POR: variants seen among roughly 807,000 people sequenced by gnomAD.
POR encodes cytochrome p450 oxidoreductase, also known as NADPH--cytochrome P450 reductase.
In POR, 56 loss-of-function variants were observed where a neutral mutation model predicts 84.0. The ratio of observed to expected loss-of-function variants is 0.67; its 90% CI spans 0.54 to 0.83. POR has a LOEUF of 0.83. Among genes scored for constraint, POR ranks in the 40% least tolerant of loss-of-function variants. The probability of loss-of-function intolerance (pLI) is 0.00; values close to 1 mark genes in which losing one functional copy is unlikely to be tolerated. For synonymous variants in POR, 414 were observed against 400.5 expected (o/e 1.03, Z -0.40); for missense variants, 938 against 944.3 (o/e 0.99, Z 0.09).
At chr7:75,980,516 T>TC in intron 5 of POR, 28 bp downstream of exon 5, 2 of 1,612,426 alleles carry the variant, frequency 1.2e-6, no homozygotes, top group Non-Finnish European at 1.7e-6. Flanking sequence ...TGCTATGGGC[T>TC]CCCGGTGGCC....
chr7:75,986,040 T>G lies in POR; in HGVS notation c.1787T>G (p.Val596Gly). The G allele has an allele frequency of 6.4e-7, 1 of 1,560,766 alleles. No homozygotes were observed. The highest frequency in any genetic ancestry group is 1.4e-5 in the African/African-American group (1 of 73,706). ...GACGGTGCGCTCACCCAGCTCAACG[T>G]GGCCTTCTCCCGGGAGCAGTCCCAC... Residue 596 changes from valine to glycine, a missense_variant, in exon 14 of 16, where the codon GTG (valine) becomes GGG (glycine). Transcript: ENST00000461988.
intron 2 of POR, among the ~76,000 whole-genome samples, chr7:75,957,279 C>T (rs1158360133): frequency 6.6e-6 from 1 of 152,078 alleles, no homozygotes; most frequent in East Asian, 1.9e-4. Flanking sequence ...TAGAGCCACA[C>T]CCTGAAGCTG....
chr7:75,927,882 A>G (rs1056928264), intron 1 of POR, among the ~76,000 whole-genome samples: 9 of 150,100 alleles, frequency 6.0e-5, no homozygotes, highest in Non-Finnish European at 1.3e-4. Flanking sequence ...TGTTGGCTAG[A>G]CTGGTCTCGA....
At chr7:75,920,609 C>G (rs946838725) in intron 1 of POR, among the ~76,000 whole-genome samples, 1 of 152,098 alleles carries the variant, frequency 6.6e-6, no homozygotes, top group Non-Finnish European at 1.5e-5. Context: ...TCTGAGCTCA[C>G]GTCACATCAC....
intron 2 of POR, among the ~76,000 whole-genome samples, chr7:75,955,093 TG>T (rs1363382166): frequency 2.0e-5 from 3 of 152,160 alleles, no homozygotes; most frequent in Non-Finnish European, 4.4e-5. Context: ...CCGCACACCT[TG>T]GTCTCCCAGA....
chr7:75,917,177 C>A (rs1317456010), intron 1 of POR, among the ~76,000 whole-genome samples: 1 of 151,790 alleles, frequency 6.6e-6, no homozygotes, highest in African/African-American at 2.4e-5. Flanking sequence ...AAGCAATCCT[C>A]CCTCCTCAGC....
At chr7:75,980,851 TG>T in intron 5 of POR, 196 bp from the exon 6 acceptor site, 2 of 1,099,150 alleles carry the variant, frequency 1.8e-6, no homozygotes, top group Non-Finnish European at 2.5e-6. Flanking sequence ...GGGCAGGCTG[TG>T]GGCTGCAGGT....
chr7:75,950,221 C>T (rs1318498662), intron 1 of POR, among the ~76,000 whole-genome samples: 4 of 152,142 alleles, frequency 2.6e-5, no homozygotes, highest in African/African-American at 9.7e-5. Flanking sequence ...GGGGAATGGC[C>T]CGTCCATCAG....
At chr7:75,966,104 G>A (rs782814620) in intron 2 of POR, among the ~76,000 whole-genome samples, 1 of 152,176 alleles carries the variant, frequency 6.6e-6, no homozygotes, top group Non-Finnish European at 1.5e-5. Flanking sequence ...ACTGCACAGG[G>A]TGGTGAGGAT....
At chr7:75,925,212 C>CATTAGT (rs1433529986) in intron 1 of POR, among the ~76,000 whole-genome samples, 3 of 152,014 alleles carry the variant, frequency 2.0e-5, no homozygotes, top group African/African-American at 7.2e-5. Flanking sequence ...ACCAGTTTCT[C>CATTAGT]ATTAGTATTT....
At chr7:75,951,258 G>A (rs536706919) in intron 1 of POR, among the ~76,000 whole-genome samples, 1 of 152,018 alleles carries the variant, frequency 6.6e-6, no homozygotes, top group Non-Finnish European at 1.5e-5. Flanking sequence ...GCCAGGTGTC[G>A]TGGCGGGCAC....
At position 75,984,914 on chromosome 7, in the gene POR, C is replaced by G; in HGVS notation, c.1204C>G (p.Gln402Glu). The change falls in exon 11 of 16, where the codon CAG (glutamine) becomes GAG (glutamate). Residue 402 changes from glutamine to glutamate, a missense_variant. Coordinates refer to ENST00000461988, the MANE Select transcript of POR (RefSeq NM_000941.3). The stretch of plus-strand genomic sequence containing the variant: ...GCAGTACGCCTCGGAGCCCTCGGAG[C>G]AGGAGCTGCTGCGCAAGATGGCCTC... The G allele has an allele frequency of 3.1e-6, 5 of 1,608,058 alleles. No individual in the cohort carries two copies. Among genetic ancestry groups the G allele is most frequent in the Non-Finnish European group, 4.3e-6 (5 of 1,176,364 alleles).
chr7:75,922,893 C>A, intron 1 of POR: 1 of 614,702 alleles, frequency 1.6e-6, no homozygotes, highest in African/African-American at 1.9e-5. Context: ...GAAAAGAGCT[C>A]AGGTTTAAAC....
intron 2 of POR, among the ~76,000 whole-genome samples, chr7:75,957,316 T>A (rs887847460): frequency 6.6e-6 from 1 of 152,152 alleles, no homozygotes; most frequent in African/African-American, 2.4e-5. Flanking sequence ...GAGGGCCCGA[T>A]ATAGGAAGGG....
chr7:75,938,149 C>T (rs930879313), intron 1 of POR, among the ~76,000 whole-genome samples: 1 of 152,216 alleles, frequency 6.6e-6, no homozygotes, highest in Non-Finnish European at 1.5e-5. Flanking sequence ...TTCCTCCTTT[C>T]ACGTCATTGC....
intron 1 of POR, among the ~76,000 whole-genome samples, chr7:75,931,926 T>C (rs1807441434): frequency 6.6e-6 from 1 of 152,230 alleles, no homozygotes. Flanking sequence ...ACAGGTGTCA[T>C]GGCCTCCCTT....
rs370230471 is a variant in POR, at chr7:75,984,839, T to C, written c.1129T>C (p.Tyr377His). ...GTCCTACCGCACGGCCCTCACCTACTACCTGGACATCACCAACCCGCCGCG... is the reference window on the plus strand; with the variant it reads ...GTCCTACCGCACGGCCCTCACCTACCACCTGGACATCACCAACCCGCCGCG... Residue 377 changes from tyrosine to histidine, a missense_variant, in exon 11 of 16, where the codon TAC (tyrosine) becomes CAC (histidine). Transcript: ENST00000461988. The C allele has an allele frequency of 1.2e-6, 2 of 1,612,522 alleles. No individual in the cohort carries two copies. The highest frequency in any genetic ancestry group is 1.3e-5 in the African/African-American group (1 of 75,024).
rs200575911 is a variant in POR at position 75,933,376 on chromosome 7, G to GTT, written c.-5+18226_-5+18227dup. Reference sequence around the variant, plus strand: ...TCACCATGTTATACAATAGGTCTTTGTTTTTTTTTTTTTTTTTTTTTTTTT... The same window carrying GTT: ...TCACCATGTTATACAATAGGTCTTTGTTTTTTTTTTTTTTTTTTTTTTTTTTT... On this transcript the variant is annotated intron_variant, in intron 1 of 15. Coordinates refer to ENST00000461988, the MANE Select transcript of POR (RefSeq NM_000941.3). Among the ~76,000 whole-genome samples the GTT allele has an allele frequency of 3.8e-3, 350 of 92,086 alleles. 26 individuals are homozygous for GTT. The highest frequency in any genetic ancestry group is 5.4e-3 in the Non-Finnish European group (218 of 40,450). The allele number at this position is 92,086 out of a possible 152,430, so 60.4% of individuals were successfully genotyped here.
rs1789095955 is a variant in POR at position 75,982,278 on chromosome 7, C to T, written c.786C>T (p.Tyr262=). 3 of 1,612,766 alleles carry T rather than the reference C, an allele frequency of 1.9e-6. No homozygotes were observed. Among genetic ancestry groups the T allele is most frequent in the African/African-American group, 1.3e-5 (1 of 74,928 alleles). The change falls in exon 8 of 16, where the codon TAC becomes TAT. Residue 262 remains tyrosine (Y), a synonymous_variant. Transcript: ENST00000461988. ...CCGACATAGATGCGGCCAAGGTGTA[C>T]ATGGGGGAGATGGGCCGGCTGAAGA...
Sources: allele counts gnomAD v4.1 joint callset (sites outside exome capture counted in the v4.1 genomes callset), GRCh38; gene constraint gnomAD v4.1.1; transcripts MANE v1.5; gene names NCBI Gene and HGNC (gene_info 2026-07-23, HGNC 2026-07-21).